The following FGF12 variants were observed in gnomAD, a reference collection of about 807,000 sequenced individuals.
FGF12 encodes the protein fibroblast growth factor 12B.
FGF12 carries 14 observed loss-of-function variants against 23.6 expected under a neutral mutation model. That is an observed-to-expected ratio of 0.59 (90% CI 0.39 to 0.93). The LOEUF (loss-of-function observed/expected upper bound fraction) is 0.93, where lower values mean the gene tolerates loss of function less well. Among genes scored for constraint, FGF12 ranks in the 40% least tolerant of loss-of-function variants. The pLI is 0.00. For missense variants in FGF12, 175 were observed against 217.8 expected (o/e 0.80, Z 1.24); for synonymous variants, 62 against 77.3 (o/e 0.80, Z 1.04).
intron 4 of FGF12, among the ~76,000 whole-genome samples, chr3:192,186,654 T>G (rs1462332032): frequency 6.6e-6 from 1 of 152,210 alleles, no homozygotes; most frequent in Non-Finnish European, 1.5e-5. Context: ...AGAATAATTT[T>G]GATTCATTTC....
intron 2 of FGF12, among the ~76,000 whole-genome samples, chr3:192,386,058 A>G (rs1720027131): frequency 6.6e-6 from 1 of 152,232 alleles, no homozygotes; most frequent in African/African-American, 2.4e-5. Context: ...ACTTAGCCCA[A>G]TTGCTAGAAT....
chr3:192,572,819 C>G (rs1712700509), intron 2 of FGF12, among the ~76,000 whole-genome samples: 1 of 152,168 alleles, frequency 6.6e-6, no homozygotes, highest in Non-Finnish European at 1.5e-5. Context: ...TCACTGTCAT[C>G]ACAATGGCAA....
At chr3:192,403,922 C>T (rs9291024) in intron 2 of FGF12, among the ~76,000 whole-genome samples, 5,238 of 152,116 alleles carry the variant, frequency 0.034, 296 homozygotes, top group African/African-American at 0.12. Flanking sequence ...TAAAAGAATA[C>T]TGAAATATTT....
At chr3:192,680,795 A>G (rs569898161) in intron 2 of FGF12, among the ~76,000 whole-genome samples, 1 of 152,320 alleles carries the variant, frequency 6.6e-6, no homozygotes, top group East Asian at 1.9e-4. Context: ...CATTCAGTCC[A>G]CAAGAACTTA....
At chr3:192,645,486 GA>G (rs1390801872) in intron 2 of FGF12, among the ~76,000 whole-genome samples, 1 of 152,036 alleles carries the variant, frequency 6.6e-6, no homozygotes, top group African/African-American at 2.4e-5. Flanking sequence ...TTCCACTAAA[GA>G]GGGCAGGTAG....
rs190697505 is a variant in FGF12, at chr3:192,338,869, G to A, written c.125-3405C>T. Among the ~76,000 whole-genome samples, 332 of 152,312 alleles carry A rather than the reference G, an allele frequency of 2.2e-3. 1 individual carries two copies. Among genetic ancestry groups the A allele is most frequent in the African/African-American group, 7.6e-3 (317 of 41,562 alleles). ...AGGTACTTCATTTTAAATAAAAGCA[G>A]ATACTGGAAAACGATTAAGTTCACT... On this transcript the variant is annotated intron_variant, in intron 3 of 5. Transcript: ENST00000445105.
chr3:192,376,440 G>A lies in FGF12; in HGVS notation c.14-15902C>T, dbSNP rs181197648. On this transcript the variant is annotated intron_variant, in intron 2 of 5. Coordinates refer to ENST00000445105, the MANE Select transcript of FGF12 (RefSeq NM_004113.6). Reference sequence around the variant, plus strand: ...TGCAATGGCGTGATCTTGGCTGACCGCAACCTCTGCCTCCCAGGTTCAAAC... The same window carrying A: ...TGCAATGGCGTGATCTTGGCTGACCACAACCTCTGCCTCCCAGGTTCAAAC... 2.8e-3 allele frequency among the ~76,000 whole-genome samples: 419 copies of A among 151,906 alleles called. 1 individual carries two copies. Among genetic ancestry groups the A allele is most frequent in the African/African-American group, 3.4e-3 (142 of 41,426 alleles).
chr3:192,550,959 C>T (rs1299263332), intron 2 of FGF12, among the ~76,000 whole-genome samples: 4 of 152,114 alleles, frequency 2.6e-5, no homozygotes, highest in African/African-American at 9.7e-5. Context: ...TTTAGAGAGT[C>T]ACTTAGGTCA....
At chr3:192,515,883 A>G (rs557871612) in intron 2 of FGF12, among the ~76,000 whole-genome samples, 2 of 150,784 alleles carry the variant, frequency 1.3e-5, no homozygotes, top group Admixed American at 6.6e-5. Flanking sequence ...TGGAAGTGCA[A>G]TGAGTAAGCA....
At chr3:192,396,279 G>A (rs751462015) in intron 2 of FGF12, among the ~76,000 whole-genome samples, 27 of 152,152 alleles carry the variant, frequency 1.8e-4, no homozygotes, top group Non-Finnish European at 2.8e-4. Flanking sequence ...AAGAAGGCAA[G>A]GATTTTCTCA....
rs188896889 is a variant in FGF12 at position 192,704,190 on chromosome 3, C to T, written c.13+22991G>A. ...GGAATCATTATCTACAGCAAGTAAGCCTTATGAAATATATTTCTTAAATAA... is the reference window on the plus strand; with the variant it reads ...GGAATCATTATCTACAGCAAGTAAGTCTTATGAAATATATTTCTTAAATAA... On this transcript the variant is annotated intron_variant, in intron 2 of 5. Transcript: ENST00000445105. Among the ~76,000 whole-genome samples the T allele has an allele frequency of 4.3e-4, 66 of 152,240 alleles. No homozygotes were observed. The East Asian group carries it at 0.011, about 26-fold the overall frequency.
At chr3:192,169,371 C>T (rs1421942330) in intron 5 of FGF12, among the ~76,000 whole-genome samples, 2 of 152,028 alleles carry the variant, frequency 1.3e-5, no homozygotes, top group African/African-American at 2.4e-5. Flanking sequence ...TGAAAATATA[C>T]TGCAGGAAAG....
intron 4 of FGF12, among the ~76,000 whole-genome samples, chr3:192,308,306 T>C (rs373611982): frequency 6.6e-6 from 1 of 152,302 alleles, no homozygotes; most frequent in East Asian, 1.9e-4. Flanking sequence ...TAATAGGTTG[T>C]TAAACCGTTT....
intron 3 of FGF12, among the ~76,000 whole-genome samples, chr3:192,357,288 C>T (rs1229744648): frequency 1.3e-5 from 2 of 152,066 alleles, no homozygotes; most frequent in African/African-American, 4.8e-5. Flanking sequence ...TCGAGACCAT[C>T]CTGGCCAACA....
chr3:192,555,970 G>A (rs1167026185), intron 2 of FGF12, among the ~76,000 whole-genome samples: 2 of 152,006 alleles, frequency 1.3e-5, no homozygotes, highest in African/African-American at 4.8e-5. Flanking sequence ...AATGTCTAAT[G>A]TAAGCCCTTT....
intron 2 of FGF12, among the ~76,000 whole-genome samples, chr3:192,611,218 G>A (rs1714539068): frequency 6.6e-6 from 1 of 151,980 alleles, no homozygotes; most frequent in African/African-American, 2.4e-5. Context: ...TCTGCTTTCT[G>A]CTTTGCTTGT....
intron 4 of FGF12, among the ~76,000 whole-genome samples, chr3:192,300,544 T>C (rs141446312): frequency 0.011 from 1,698 of 152,190 alleles, 13 homozygotes; most frequent in South Asian, 0.035. Flanking sequence ...AGGTCTTTCT[T>C]GGGGGCGGTC....
At chr3:192,220,038 T>TTATAGTCCTACTGCCATTGTTCC (rs1438438902) in intron 4 of FGF12, among the ~76,000 whole-genome samples, 1 of 152,280 alleles carries the variant, frequency 6.6e-6, no homozygotes, top group South Asian at 2.1e-4. Context: ...TTTTTTTTCC[T>TTATAGTCCTACTGCCATTGTTCC]TATAGTCCTA....
chr3:192,600,384 G>A (rs865893461), intron 2 of FGF12, among the ~76,000 whole-genome samples: 2 of 151,728 alleles, frequency 1.3e-5, no homozygotes, highest in South Asian at 4.2e-4. Context: ...GGTCTTTTGT[G>A]GTTCCATACA....
Sources: gnomAD v4.1 joint callset for allele counts (sites outside exome capture counted in the v4.1 genomes callset) on GRCh38, gnomAD v4.1.1 for gene constraint, MANE v1.5 for transcripts, NCBI Gene and HGNC (gene_info 2026-07-23, HGNC 2026-07-21) for gene names.